The following MEI4 variants were observed in gnomAD, a reference collection of about 807,000 sequenced individuals.
The protein encoded by MEI4 is meiotic double-stranded break formation protein 4.
MEI4 carries 27 observed loss-of-function variants against 31.4 expected under a neutral mutation model. That is an observed-to-expected ratio of 0.86 (90% CI 0.63 to 1.19). The LOEUF (loss-of-function observed/expected upper bound fraction) is 1.19, where lower values mean the gene tolerates loss of function less well. Among genes scored for constraint, MEI4 ranks in the 50% most tolerant of loss-of-function variants. MEI4 has a pLI of 0.00. For missense variants in MEI4, 329 were observed against 398.9 expected (o/e 0.82, Z 1.49); for synonymous variants, 122 against 145.4 (o/e 0.84, Z 1.16).
intron 2 of MEI4, among the ~76,000 whole-genome samples, chr6:77,698,846 A>C (rs1766127841): frequency 6.6e-6 from 1 of 152,148 alleles, no homozygotes; most frequent in Non-Finnish European, 1.5e-5. Flanking sequence ...TCTCCTGGAT[A>C]ATATCCTGCA....
At chr6:77,884,124 T>C (rs1771567285) in intron 4 of MEI4, among the ~76,000 whole-genome samples, 1 of 152,148 alleles carries the variant, frequency 6.6e-6, no homozygotes, top group Non-Finnish European at 1.5e-5. Flanking sequence ...TTGCATATTT[T>C]TCCTTATACC....
chr6:77,702,057 A>G (rs1161823667), intron 2 of MEI4, among the ~76,000 whole-genome samples: 1 of 152,156 alleles, frequency 6.6e-6, no homozygotes, highest in Non-Finnish European at 1.5e-5. Context: ...CATCTTGTAT[A>G]AGCATGTATT....
chr6:77,706,062 T>G (rs762040248), intron 2 of MEI4, among the ~76,000 whole-genome samples: 1 of 152,140 alleles, frequency 6.6e-6, no homozygotes, highest in African/African-American at 2.4e-5. Flanking sequence ...CCTTCTCCCC[T>G]TCTTTCTCCC....
chr6:77,729,937 G>A (rs1766929748), intron 2 of MEI4, among the ~76,000 whole-genome samples: 1 of 152,072 alleles, frequency 6.6e-6, no homozygotes, highest in Non-Finnish European at 1.5e-5. Context: ...CCTAGCAAGG[G>A]AGGCTCGGGA....
At chr6:77,852,687 C>T (rs771331552) in intron 4 of MEI4, among the ~76,000 whole-genome samples, 1 of 151,200 alleles carries the variant, frequency 6.6e-6, no homozygotes, top group Non-Finnish European at 1.5e-5. Flanking sequence ...GCTGCATCCT[C>T]ATGTGGTGGA....
chr6:77,671,511 G>A (rs939949503), intron 1 of MEI4, among the ~76,000 whole-genome samples: 10 of 152,058 alleles, frequency 6.6e-5, no homozygotes, highest in African/African-American at 2.2e-4. Context: ...AAAAAAAACC[G>A]AAGTTTATTA....
chr6:77,735,123 C>G (rs953399401), intron 2 of MEI4, among the ~76,000 whole-genome samples: 21 of 152,010 alleles, frequency 1.4e-4, no homozygotes, highest in Non-Finnish European at 2.1e-4. Context: ...TGGAGTTGCT[C>G]TTCTCGAGGA....
intron 4 of MEI4, among the ~76,000 whole-genome samples, chr6:77,872,850 A>G (rs1771231832): frequency 2.0e-5 from 3 of 150,002 alleles, no homozygotes; most frequent in African/African-American, 4.9e-5. Flanking sequence ...TTGTCCTTGC[A>G]ATAGTTTACT....
chr6:77,684,178 G>T (rs1769009619), intron 1 of MEI4, among the ~76,000 whole-genome samples: 1 of 128,332 alleles, frequency 7.8e-6, no homozygotes, highest in African/African-American at 3.0e-5. Flanking sequence ...CTTCTTTTGA[G>T]AATTTTTTAT....
chr6:77,751,617 G>A (rs1267752470), intron 2 of MEI4, among the ~76,000 whole-genome samples: 1 of 152,000 alleles, frequency 6.6e-6, no homozygotes, highest in Non-Finnish European at 1.5e-5. Context: ...AATTGAGGCA[G>A]CAATTAATAG....
intron 2 of MEI4, among the ~76,000 whole-genome samples, chr6:77,692,539 A>G (rs147573890): frequency 9.8e-4 from 149 of 152,182 alleles, no homozygotes; most frequent in African/African-American, 3.4e-3. Context: ...TAAAGCCTAC[A>G]TAAGGAATAG....
intron 2 of MEI4, among the ~76,000 whole-genome samples, chr6:77,751,713 C>G (rs1767780237): frequency 1.3e-5 from 2 of 152,152 alleles, no homozygotes; most frequent in Admixed American, 1.3e-4. Flanking sequence ...ACCATTCCTT[C>G]TGAAATTATT....
chr6:77,831,331 A>G (rs542150531), intron 4 of MEI4, among the ~76,000 whole-genome samples: 1 of 151,888 alleles, frequency 6.6e-6, no homozygotes, highest in East Asian at 1.9e-4. Context: ...CCATTATGGA[A>G]AACAGTGTGG....
At position 77,904,776 on chromosome 6, in the gene MEI4, A is replaced by G. The variant is rs1190422273; in HGVS notation, c.901-18313A>G. ...AAATCCAATTTAACTTTCATTGCAT[A>G]AAGAAATCTGCACTTCTACTATCTC... is the stretch of plus-strand genomic sequence containing the variant. On this transcript the variant is annotated intron_variant, in intron 4 of 4. Transcript: ENST00000684080. Among the ~76,000 whole-genome samples the G allele has an allele frequency of 2.6e-5, 4 of 151,824 alleles. No homozygotes were observed. The East Asian group carries it at 5.8e-4, about 22-fold the overall frequency.
intron 3 of MEI4, among the ~76,000 whole-genome samples, chr6:77,783,836 A>G (rs1010538370): frequency 6.6e-6 from 1 of 152,172 alleles, no homozygotes; most frequent in African/African-American, 2.4e-5. Flanking sequence ...ACATTTAAAC[A>G]AAATTTGTGT....
Position 77,735,740 on chromosome 6 carries a change from T to C in MEI4, c.233-25390T>C, listed in dbSNP as rs556555268. Among the ~76,000 whole-genome samples the C allele has an allele frequency of 1.3e-3, 198 of 152,140 alleles. 3 individuals are homozygous for C. Among genetic ancestry groups the C allele is most frequent in the African/African-American group, 4.2e-3 (173 of 41,400 alleles). ...TTTTAGAGTTTTCAGTTTTTCTGCT[T>C]TGTTTTTTCCCCATCTTTGTGGTTT... is the stretch of plus-strand genomic sequence containing the variant. On this transcript the variant is annotated intron_variant, in intron 2 of 4. Transcript: ENST00000684080.
At chr6:77,790,177 C>A (rs1411769031) in intron 3 of MEI4, among the ~76,000 whole-genome samples, 1 of 147,884 alleles carries the variant, frequency 6.8e-6, no homozygotes, top group Non-Finnish European at 1.5e-5. Context: ...ACCGCATGTT[C>A]TCACTCACAG....
chr6:77,669,682 T>A (rs1768703114), intron 1 of MEI4, among the ~76,000 whole-genome samples: 1 of 152,248 alleles, frequency 6.6e-6, no homozygotes, highest in Admixed American at 6.5e-5. Flanking sequence ...TAAATATACG[T>A]GTCTGTATCG....
intron 1 of MEI4, among the ~76,000 whole-genome samples, chr6:77,667,373 C>A (rs796891302): frequency 5.9e-5 from 9 of 152,234 alleles, no homozygotes; most frequent in African/African-American, 1.9e-4. Context: ...GATCTCATTT[C>A]CATATCGATA....
Sources: allele counts gnomAD v4.1 joint callset (sites outside exome capture counted in the v4.1 genomes callset), GRCh38; gene constraint gnomAD v4.1.1; transcripts MANE v1.5; gene names NCBI Gene and HGNC (gene_info 2026-07-23, HGNC 2026-07-21).